AP2A2: variants seen among roughly 807,000 people sequenced by gnomAD.
The protein encoded by AP2A2 is AP-2 complex subunit alpha-2.
Under a neutral mutation model 104.2 loss-of-function variants are expected in AP2A2, and 32 were observed. The observed-to-expected ratio is 0.31, with a 90% CI of 0.23 to 0.41. The LOEUF is 0.41. AP2A2 is among the 10% of genes least tolerant of loss of function. AP2A2 has a pLI of 1.00. For missense variants in AP2A2, 912 were observed against 1,261.0 expected (o/e 0.72, Z 4.19); for synonymous variants, 539 against 533.3 (o/e 1.01, Z -0.15).
At chr11:938,667 G>A (rs1853545714) in intron 1 of AP2A2, among the ~76,000 whole-genome samples, 1 of 151,734 alleles carries the variant, frequency 6.6e-6, no homozygotes, top group Non-Finnish European at 1.5e-5. Context: ...GTAGAGACGG[G>A]GTTTCACCGT....
At chr11:964,803 T>C (rs1854558789) in intron 2 of AP2A2, among the ~76,000 whole-genome samples, 1 of 135,568 alleles carries the variant, frequency 7.4e-6, no homozygotes, top group Non-Finnish European at 1.7e-5. Flanking sequence ...GATGGAAGCG[T>C]GGAAATGGAA....
chr11:997,257 G>T (rs983555436), intron 14 of AP2A2, among the ~76,000 whole-genome samples: 4 of 152,084 alleles, frequency 2.6e-5, no homozygotes, highest in African/African-American at 9.7e-5. Context: ...CCTTGGGGGA[G>T]GCTGTGGTGT....
At chr11:997,339 C>A (rs1443463707) in intron 14 of AP2A2, among the ~76,000 whole-genome samples, 2 of 152,158 alleles carry the variant, frequency 1.3e-5, no homozygotes, top group African/African-American at 4.8e-5. Context: ...CATGCAGGAG[C>A]CTGGGGCCCT....
Position 977,129 on chromosome 11 carries a change from C to T in AP2A2, c.508C>T (p.Leu170=), listed in dbSNP as rs1564804557. Reference sequence around the variant, plus strand: ...GGACAGCGTGAAGCAGAGCGCGGCCCTGTGCTTGCTGCGCCTGTACAGGAC... The same window carrying T: ...GGACAGCGTGAAGCAGAGCGCGGCCTTGTGCTTGCTGCGCCTGTACAGGAC... ...TMDSVKQSAA[L]CLLRLYRTSP... is the part of the protein sequence containing the mutation. The change falls in exon 5 of 22, where the codon CTG becomes TTG. Residue 170 remains leucine, a synonymous_variant. Transcript: ENST00000448903. The T allele has an allele frequency of 6.2e-7, 1 of 1,613,710 alleles. No individual in the cohort carries two copies. The highest frequency in any genetic ancestry group is 8.5e-7 in the Non-Finnish European group (1 of 1,179,828).
intron 1 of AP2A2, among the ~76,000 whole-genome samples, chr11:948,242 A>T (rs553480132): frequency 6.6e-6 from 1 of 152,246 alleles, no homozygotes; most frequent in Non-Finnish European, 1.5e-5. Flanking sequence ...GAAGACTCAG[A>T]TTGCTAAAAG....
At chr11:966,553 G>A (rs186628073) in intron 2 of AP2A2, among the ~76,000 whole-genome samples, 1 of 152,302 alleles carries the variant, frequency 6.6e-6, no homozygotes, top group Admixed American at 6.5e-5. Flanking sequence ...TCATTTTACC[G>A]TGAGTTTGCT....
intron 14 of AP2A2, 54 bp downstream of exon 14, chr11:994,299 C>G: frequency 1.9e-6 from 3 of 1,593,636 alleles, no homozygotes; most frequent in Non-Finnish European, 1.7e-6. Flanking sequence ...ACCCCCAAGA[C>G]TTGGGACCAG....
intron 1 of AP2A2, among the ~76,000 whole-genome samples, chr11:936,080 T>A: frequency 6.6e-6 from 1 of 150,428 alleles, no homozygotes; most frequent in East Asian, 2.0e-4. Context: ...TTTTTTTTTT[T>A]TTATTTTTAG....
At chr11:1,001,598 G>T (rs1266408428) in intron 15 of AP2A2, among the ~76,000 whole-genome samples, 1 of 152,206 alleles carries the variant, frequency 6.6e-6, no homozygotes, top group Admixed American at 6.5e-5. Context: ...GGCCGGCGTG[G>T]TGGTGGGTGC....
intron 4 of AP2A2, among the ~76,000 whole-genome samples, chr11:974,999 A>G (rs1854972799): frequency 1.3e-5 from 2 of 152,186 alleles, no homozygotes; most frequent in African/African-American, 4.8e-5. Context: ...CAAAAACAAA[A>G]ACATGCTCGG....
chr11:969,356 A>C (rs1177018046), intron 2 of AP2A2, among the ~76,000 whole-genome samples: 1 of 149,226 alleles, frequency 6.7e-6, no homozygotes, highest in Non-Finnish European at 1.5e-5. Flanking sequence ...CAGCCTCCCG[A>C]GTAGCTGGGA....
intron 3 of AP2A2, among the ~76,000 whole-genome samples, chr11:971,112 C>A (rs1002358806): frequency 6.6e-6 from 1 of 152,096 alleles, no homozygotes; most frequent in African/African-American, 2.4e-5. Context: ...TGTGGAGTGC[C>A]TGTGGTGTGT....
rs1855546736 is a variant in AP2A2 at position 988,707 on chromosome 11, C to CT, written c.1269+19dup. 1.2e-6 allele frequency: 2 copies of CT among 1,612,920 alleles called. No homozygotes were observed. The highest frequency in any genetic ancestry group is 1.7e-6 in the Non-Finnish European group (2 of 1,179,620). Reference sequence around the variant, plus strand: ...AAGAGATTGTGAGTTCTGGTGGCCTCTGAGTCCTCTCCTGCCACAGGCGTG... The same window carrying CT: ...AAGAGATTGTGAGTTCTGGTGGCCTCTTGAGTCCTCTCCTGCCACAGGCGTG... On this transcript the variant is annotated intron_variant, in intron 10 of 21. Transcript: ENST00000448903.
rs960734047 is a variant in AP2A2 at position 993,472 on chromosome 11, C to T, written c.1550+91C>T. 60 of 1,010,000 alleles carry T rather than the reference C, an allele frequency of 5.9e-5. No individual in the cohort carries two copies. The highest frequency in any genetic ancestry group is 2.3e-4 in the Middle Eastern group (1 of 4,304). The allele number at this position is 1,010,000 out of a possible 1,614,324, so 62.6% of individuals were successfully genotyped here. On this transcript the variant is annotated intron_variant, in intron 12 of 21. Transcript: ENST00000448903. This position sits in a 1 kb window ranked among gnomAD's most constrained non-coding sequence, Gnocchi z 8.2. ...GAGGCGAGGCACCAGCTGGCCCTGC[C>T]GTGAGGCCTCGCAGAGCCGCTTCTG...
At chr11:961,844 A>G (rs1854451613) in intron 2 of AP2A2, among the ~76,000 whole-genome samples, 1 of 138,336 alleles carries the variant, frequency 7.2e-6, no homozygotes, top group East Asian at 2.2e-4. Context: ...GCAGATGGAG[A>G]TGTGGGTCTG....
chr11:934,425 C>A (rs963996706), intron 1 of AP2A2, among the ~76,000 whole-genome samples: 1 of 152,116 alleles, frequency 6.6e-6, no homozygotes, highest in African/African-American at 2.4e-5. Context: ...TGCGCCCAGC[C>A]CTTTCCCACC....
intron 1 of AP2A2, among the ~76,000 whole-genome samples, chr11:947,767 C>T (rs1475069221): frequency 1.3e-5 from 2 of 150,894 alleles, no homozygotes; most frequent in Admixed American, 1.3e-4. Context: ...AGTTCGAGAG[C>T]CTGGGCAACA....
intron 4 of AP2A2, among the ~76,000 whole-genome samples, chr11:974,810 C>G (rs1854964320): frequency 6.6e-6 from 1 of 151,726 alleles, no homozygotes; most frequent in Admixed American, 6.6e-5. Context: ...CATGGTGAAA[C>G]CCCGTCTCTA....
At chr11:927,881 A>G (rs1853170696) in intron 1 of AP2A2, among the ~76,000 whole-genome samples, 1 of 150,640 alleles carries the variant, frequency 6.6e-6, no homozygotes, top group African/African-American at 2.4e-5. Flanking sequence ...TACGAGTAGC[A>G]TTTTTTCTCT....
Sources: gnomAD v4.1 joint callset for allele counts (sites outside exome capture counted in the v4.1 genomes callset) on GRCh38, gnomAD v4.1.1 for gene constraint, Gnocchi (gnomAD v3.1) non-coding constraint, MANE v1.5 for transcripts, NCBI Gene and HGNC (gene_info 2026-07-23, HGNC 2026-07-21) for gene names.